The following MAPK8IP3 variants were observed in gnomAD, a reference collection of about 807,000 sequenced individuals.
MAPK8IP3 encodes C-Jun-amino-terminal kinase-interacting protein 3.
MAPK8IP3 carries 49 observed loss-of-function variants against 157.8 expected under a neutral mutation model. The ratio of observed to expected loss-of-function variants is 0.31; its 90% CI spans 0.25 to 0.39. The LOEUF (loss-of-function observed/expected upper bound fraction) is 0.39. Among genes scored for constraint, MAPK8IP3 ranks in the 10% least tolerant of loss-of-function variants. The pLI is 1.00. For missense variants in MAPK8IP3, 1,478 were observed against 1,889.4 expected (o/e 0.78, Z 4.04); for synonymous variants, 897 against 777.7 (o/e 1.15, Z -2.55).
At chr16:1,737,769 CGT>C (rs1418536334) in intron 4 of MAPK8IP3, among the ~76,000 whole-genome samples, 1 of 11,524 alleles carries the variant, frequency 8.7e-5, no homozygotes, top group Non-Finnish European at 1.2e-4. Flanking sequence ...TGTGACCATC[CGT>C]GTGAGTGACC....
intron 4 of MAPK8IP3, among the ~76,000 whole-genome samples, chr16:1,737,732 A>G (rs377594676): frequency 3.1e-4 from 15 of 48,376 alleles, no homozygotes; most frequent in East Asian, 1.0e-3. Context: ...CCGTGTGAGC[A>G]TCCGTGTGAG....
At position 1,760,025 on chromosome 16, in the gene MAPK8IP3, C is replaced by G; in HGVS notation, c.1304+10C>G. 2.5e-6 allele frequency: 4 copies of G among 1,614,024 alleles called. No homozygotes were observed. Among genetic ancestry groups the G allele is most frequent in the Non-Finnish European group, 3.4e-6 (4 of 1,179,910 alleles). Reference sequence around the variant, plus strand: ...AGCTTCTGGAAACCAAGTAAGAGTGCCCTTCTCCTGTGTGGTGGGGCTGAG... The same window carrying G: ...AGCTTCTGGAAACCAAGTAAGAGTGGCCTTCTCCTGTGTGGTGGGGCTGAG... On this transcript the variant is annotated intron_variant, in intron 11 of 31. Coordinates refer to ENST00000610761, the MANE Select transcript of MAPK8IP3 (RefSeq NM_001318852.2).
At chr16:1,714,922 A>G (rs1034064260) in intron 1 of MAPK8IP3, among the ~76,000 whole-genome samples, 1 of 152,054 alleles carries the variant, frequency 6.6e-6, no homozygotes, top group Non-Finnish European at 1.5e-5. Context: ...ACTTGAGAAT[A>G]ATTTTTCCCA....
rs1283987515 is a variant in MAPK8IP3, at chr16:1,710,934, G to A, written c.318+4277G>A. ...TGGAGCAAATACATGTAGGAACCATGGAGAAGGAGGTACCTGCCAGCCAGA... is the reference window on the plus strand; with the variant it reads ...TGGAGCAAATACATGTAGGAACCATAGAGAAGGAGGTACCTGCCAGCCAGA... On this transcript the variant is annotated intron_variant, in intron 1 of 31. Coordinates refer to ENST00000610761, the MANE Select transcript of MAPK8IP3 (RefSeq NM_001318852.2). The surrounding 1 kb of genome is among the most constrained non-coding windows in gnomAD (Gnocchi z 4.1). 1.3e-5 allele frequency among the ~76,000 whole-genome samples: 2 copies of A among 152,160 alleles called. No homozygotes were observed. Among genetic ancestry groups the A allele is most frequent in the East Asian group, 3.9e-4 (2 of 5,192 alleles).
At position 1,761,322 on chromosome 16, in the gene MAPK8IP3, C is replaced by T; in HGVS notation, c.1539+17C>T. On this transcript the variant is annotated intron_variant, in intron 13 of 31. Transcript: ENST00000610761. Reference sequence around the variant, plus strand: ...ACAGAATCGGTACATCCACTCTTCACTCTTCACATGCGGGGCGTCCACCAT... The same window carrying T: ...ACAGAATCGGTACATCCACTCTTCATTCTTCACATGCGGGGCGTCCACCAT... 1.2e-6 allele frequency: 2 copies of T among 1,608,630 alleles called. No homozygotes were observed. The highest frequency in any genetic ancestry group is 1.7e-6 in the Non-Finnish European group (2 of 1,176,454).
Position 1,725,851 on chromosome 16 carries a change from C to T in MAPK8IP3, c.439+1174C>T, listed in dbSNP as rs377592741. On this transcript the variant is annotated intron_variant, in intron 2 of 31. Coordinates refer to ENST00000610761, the MANE Select transcript of MAPK8IP3 (RefSeq NM_001318852.2). Reference sequence around the variant, plus strand: ...TAGCTGGGACTACAGGTGCCCGCCACCACACCCAGCTAATTTTTTGTATTT... The same window carrying T: ...TAGCTGGGACTACAGGTGCCCGCCATCACACCCAGCTAATTTTTTGTATTT... 9.2e-5 allele frequency among the ~76,000 whole-genome samples: 14 copies of T among 152,072 alleles called. No individual in the cohort carries two copies. In the East Asian group the frequency reaches 2.0e-3, roughly 21 times the overall value.
At chr16:1,746,865 C>G in intron 5 of MAPK8IP3, 164 bp from the exon 6 acceptor site, 1 of 839,596 alleles carries the variant, frequency 1.2e-6, no homozygotes, top group Non-Finnish European at 1.8e-6. Flanking sequence ...TGGTGAGGCC[C>G]GGAAGGGTTA....
intron 4 of MAPK8IP3, among the ~76,000 whole-genome samples, chr16:1,739,327 T>C (rs1455722161): frequency 7.5e-6 from 1 of 132,876 alleles, no homozygotes. Flanking sequence ...TGACCATCCG[T>C]GTGAGAGTGT....
intron 4 of MAPK8IP3, among the ~76,000 whole-genome samples, chr16:1,739,403 T>C (rs1229655924): frequency 3.2e-4 from 46 of 144,394 alleles, no homozygotes; most frequent in Non-Finnish European, 5.1e-4. Context: ...CGTGTGACCG[T>C]CCATGTGAGC....
intron 1 of MAPK8IP3, among the ~76,000 whole-genome samples, chr16:1,712,948 G>A (rs954470954): frequency 2.6e-5 from 4 of 152,208 alleles, no homozygotes; most frequent in Non-Finnish European, 5.9e-5. Context: ...ACAAGGGGCC[G>A]GCACCCTTTG....
At chr16:1,731,663 A>C (rs1310438424) in intron 4 of MAPK8IP3, among the ~76,000 whole-genome samples, 4 of 152,328 alleles carry the variant, frequency 2.6e-5, no homozygotes, top group African/African-American at 9.6e-5. Context: ...TGCTTTGAGG[A>C]TTTCCTGTTA....
rs1191184129 is a variant in MAPK8IP3 at position 1,758,006 on chromosome 16, C to T, written c.1217-142C>T. The T allele has an allele frequency of 1.5e-5, 12 of 823,312 alleles. No individual in the cohort carries two copies. In the East Asian group the frequency reaches 2.3e-4, roughly 16 times the overall value. The allele number at this position is 823,312 out of a possible 1,614,324, so 51.0% of individuals were successfully genotyped here. A position where few individuals can be genotyped will look rare whatever the true frequency, so the allele number is the denominator to read the frequency against. On this transcript the variant is annotated intron_variant, in intron 8 of 31. Transcript: ENST00000610761. Reference sequence around the variant, plus strand: ...CACCGGGACCTGCTGGAGGCTGCTCCCTCTCTCTCCTGCCCTGCAACATGG... The same window carrying T: ...CACCGGGACCTGCTGGAGGCTGCTCTCTCTCTCTCCTGCCCTGCAACATGG...
At position 1,763,677 on chromosome 16, in the gene MAPK8IP3, G is replaced by A; in HGVS notation, c.1919G>A (p.Arg640His). The change falls in exon 17 of 32, where the codon CGT becomes CAT. Residue 640 changes from arginine (R) to histidine (H), a missense_variant. Transcript: ENST00000610761. The part of the protein sequence containing the change: ...FPDDDCTSSA[R>H]REQKREQYRQ... ...CTCAGCGACTGCACGTCCTCCGCCC[G>A]TCGAGAGCAGAAGCGCGAGCAGTAC... The A allele has an allele frequency of 6.3e-7, 1 of 1,585,612 alleles. No homozygotes were observed. Among genetic ancestry groups the A allele is most frequent in the Non-Finnish European group, 8.6e-7 (1 of 1,163,938 alleles).
chr16:1,739,054 G>GCGTC (rs1567171597), intron 4 of MAPK8IP3, among the ~76,000 whole-genome samples: 3 of 135,990 alleles, frequency 2.2e-5, no homozygotes, highest in African/African-American at 8.4e-5. Flanking sequence ...GTCCGTGTGA[G>GCGTC]CGTGTGAGCG....
intron 14 of MAPK8IP3, 41 bp from the exon 15 acceptor site, chr16:1,762,634 T>C (rs2042018578): frequency 1.3e-6 from 2 of 1,542,322 alleles, no homozygotes; most frequent in South Asian, 1.3e-5. Flanking sequence ...AAGGGAGGCG[T>C]GAGGGCACTA....
In MAPK8IP3 at chr16:1,742,086, G is replaced by A. The variant is rs1177696249; in HGVS notation, c.603-1246G>A. ...GGCTGAGATGTAAGCAGCTGAGGCT[G>A]TGGTGCAAGCAGACTCTTAATTCTT... On this transcript the variant is annotated intron_variant, in intron 4 of 31. Coordinates refer to ENST00000610761, the MANE Select transcript of MAPK8IP3 (RefSeq NM_001318852.2). This position sits in a 1 kb window ranked among gnomAD's most constrained non-coding sequence, Gnocchi z 5.0. Among the ~76,000 whole-genome samples, 1 of 152,172 alleles carries A rather than the reference G, an allele frequency of 6.6e-6. No homozygotes were observed. Among genetic ancestry groups the A allele is most frequent in the East Asian group, 1.9e-4 (1 of 5,190 alleles).
In MAPK8IP3 at chr16:1,742,918, C is replaced by T. The variant is rs1007179025; in HGVS notation, c.603-414C>T. 1.1e-4 allele frequency among the ~76,000 whole-genome samples: 17 copies of T among 151,900 alleles called. No homozygotes were observed. Among genetic ancestry groups the T allele is most frequent in the Admixed American group, 9.8e-4 (15 of 15,246 alleles). On this transcript the variant is annotated intron_variant, in intron 4 of 31. Transcript: ENST00000610761. This position sits in a 1 kb window ranked among gnomAD's most constrained non-coding sequence, Gnocchi z 5.0. ...CAGGCGGATCATCAGGTCAGGAGAT[C>T]GAGACCATCCTGGCTAACACGGTGA...
At chr16:1,716,840 C>T (rs550273002) in intron 1 of MAPK8IP3, among the ~76,000 whole-genome samples, 1 of 151,958 alleles carries the variant, frequency 6.6e-6, no homozygotes, top group Non-Finnish European at 1.5e-5. Flanking sequence ...AGGCGGATCA[C>T]GAGGTCAAGG....
chr16:1,709,717 G>A (rs1208851936), intron 1 of MAPK8IP3, among the ~76,000 whole-genome samples: 1 of 152,262 alleles, frequency 6.6e-6, no homozygotes, highest in Non-Finnish European at 1.5e-5. Flanking sequence ...GCACCGTCCG[G>A]TGCAGCTCCA....
Sources: allele counts gnomAD v4.1 joint callset (sites outside exome capture counted in the v4.1 genomes callset), GRCh38; gene constraint gnomAD v4.1.1; non-coding constraint Gnocchi (gnomAD v3.1); transcripts MANE v1.5; gene names NCBI Gene and HGNC (gene_info 2026-07-23, HGNC 2026-07-21).